The following CALD1 variants were observed in gnomAD, a reference collection of about 807,000 sequenced individuals.
The protein encoded by CALD1 is caldesmon.
In CALD1, 33 loss-of-function variants were observed where a neutral mutation model predicts 99.9. The ratio of observed to expected loss-of-function variants is 0.33; its 90% CI spans 0.25 to 0.44. The LOEUF (loss-of-function observed/expected upper bound fraction) is 0.44. CALD1 is among the 20% of genes least tolerant of loss of function. CALD1 has a pLI of 1.00. For missense variants in CALD1, 861 were observed against 962.1 expected (o/e 0.89, Z 1.39); for synonymous variants, 310 against 325.0 (o/e 0.95, Z 0.50).
At chr7:134,733,691 C>T in the CALD1 span, among the ~76,000 whole-genome samples, 1 of 151,852 alleles carries the variant, frequency 6.6e-6, no homozygotes, top group Non-Finnish European at 1.5e-5. Flanking sequence ...CACCTGTAGT[C>T]CCAGCTACTG....
In CALD1 at chr7:134,783,443, G is replaced by A. The variant is rs1391650626; in HGVS notation, c.-130+3694G>A. Among the ~76,000 whole-genome samples, 1 of 152,156 alleles carries A rather than the reference G, an allele frequency of 6.6e-6. No individual in the cohort carries two copies. Among genetic ancestry groups the A allele is most frequent in the Non-Finnish European group, 1.5e-5 (1 of 68,046 alleles). Reference sequence around the variant, plus strand: ...CTAGCACAGATAGGTTCTAGCTAGGGAAAGCCACTTGCACAGACAGAGGAG... The same window carrying A: ...CTAGCACAGATAGGTTCTAGCTAGGAAAAGCCACTTGCACAGACAGAGGAG... On this transcript the variant is annotated intron_variant, in intron 1 of 14. Coordinates refer to ENST00000361675, the MANE Select transcript of CALD1 (RefSeq NM_033138.4). This position sits in a 1 kb window ranked among gnomAD's most constrained non-coding sequence, Gnocchi z 4.3.
chr7:134,886,911 C>T (rs1455549697), intron 3 of CALD1, among the ~76,000 whole-genome samples: 1 of 152,172 alleles, frequency 6.6e-6, no homozygotes, highest in African/African-American at 2.4e-5. Context: ...TTTGCATCCC[C>T]CACAGCACTT....
intron 2 of CALD1, among the ~76,000 whole-genome samples, chr7:134,866,304 A>AG (rs1445316268): frequency 6.6e-6 from 1 of 152,230 alleles, no homozygotes. Context: ...CTTCATAACT[A>AG]GCAAAGCCTA....
the CALD1 span, among the ~76,000 whole-genome samples, chr7:134,725,338 T>C: frequency 1.3e-3 from 201 of 152,352 alleles, 6 homozygotes; most frequent in South Asian, 0.039. Context: ...CCTATCTCCC[T>C]GGATTCTACA....
chr7:134,835,211 A>G (rs531301109), intron 1 of CALD1, among the ~76,000 whole-genome samples: 4 of 152,278 alleles, frequency 2.6e-5, no homozygotes, highest in Non-Finnish European at 5.9e-5. Flanking sequence ...AGGGTAGGAC[A>G]AGGTGATTCT....
At chr7:134,751,009 A>G (rs187275181) in intron 1 of CALD1, among the ~76,000 whole-genome samples, 2 of 152,292 alleles carry the variant, frequency 1.3e-5, no homozygotes, top group East Asian at 1.9e-4. Flanking sequence ...CCTTCCCACC[A>G]TGTCTCAAAA....
In CALD1 at chr7:134,933,284, A is replaced by C; in HGVS notation, c.515A>C (p.Tyr172Ser). Residue 172 changes from tyrosine (Y) to serine (S), a missense_variant, in exon 5 of 15, where the codon TAC becomes TCC. Physicochemically the swap from Tyr to Ser is moderately radical, Grantham distance 144 (BLOSUM62 -2). Transcript: ENST00000361675. ...GAAACAGAAACAGTCACCAAGTCCT[A>C]CCAGAAGAATGATTGGAGGGATGCT... ...IEETETVTKS[Y>S]QKNDWRDAEE... 6.2e-7 allele frequency: 1 copy of C among 1,606,536 alleles called. No individual in the cohort carries two copies. The highest frequency in any genetic ancestry group is 1.4e-5 in the African/African-American group (1 of 74,036).
rs760177225 is a variant in CALD1 at position 134,960,618 on chromosome 7, C to T, written c.2285C>T (p.Pro762Leu). 9.3e-6 allele frequency: 15 copies of T among 1,606,624 alleles called. No individual in the cohort carries two copies. The highest frequency in any genetic ancestry group is 4.5e-5 in the East Asian group (2 of 44,836). Residue 762 changes from proline (P) to leucine (L), a missense_variant, in exon 13 of 15, where the codon CCC becomes CTC. Physicochemically the swap from Pro to Leu is moderately conservative, Grantham distance 98. Transcript: ENST00000361675. ...CCAGATGGAAACAAGTCACCTGCTC[C>T]CAAACCTTCTGTAAGTACCTTTAGG... ...KTPDGNKSPA[P>L]KPSDLRPGDV...
chr7:134,764,708 G>A (rs1428440439), intron 1 of CALD1, among the ~76,000 whole-genome samples: 4 of 152,142 alleles, frequency 2.6e-5, no homozygotes, highest in South Asian at 2.1e-4. Flanking sequence ...TAAGTTGTCC[G>A]AGAAAGGGTG....
At chr7:134,723,460 C>A in the CALD1 span, among the ~76,000 whole-genome samples, 1 of 151,946 alleles carries the variant, frequency 6.6e-6, no homozygotes, top group Non-Finnish European at 1.5e-5. Context: ...TTAAATCCAG[C>A]CATACTCAAT....
chr7:134,913,378 T>C (rs563172145), intron 3 of CALD1, among the ~76,000 whole-genome samples: 1 of 152,330 alleles, frequency 6.6e-6, no homozygotes, highest in Admixed American at 6.5e-5. Context: ...TCAGCCAAGA[T>C]GTTTCAAAAA....
At chr7:134,863,479 C>T (rs942309466) in intron 2 of CALD1, among the ~76,000 whole-genome samples, 1 of 152,220 alleles carries the variant, frequency 6.6e-6, no homozygotes, top group African/African-American at 2.4e-5. Flanking sequence ...GGGTTAGCCA[C>T]CTGCTCACAA....
At chr7:134,756,309 C>A (rs12674268) in intron 1 of CALD1, among the ~76,000 whole-genome samples, 94,212 of 138,808 alleles carry the variant, frequency 0.68, 32,902 homozygotes, top group East Asian at 0.99. Flanking sequence ...TTAAAAAAAA[C>A]CTAAAACTAA....
chr7:134,942,310 G>C (rs1315957418), intron 7 of CALD1, among the ~76,000 whole-genome samples: 1 of 152,170 alleles, frequency 6.6e-6, no homozygotes, highest in African/African-American at 2.4e-5. Context: ...TCAAAAGCAG[G>C]CGGAGCTACT....
chr7:134,851,719 G>A (rs1800090873), intron 2 of CALD1, among the ~76,000 whole-genome samples: 1 of 152,120 alleles, frequency 6.6e-6, no homozygotes, highest in Non-Finnish European at 1.5e-5. Flanking sequence ...CCATGATGGA[G>A]AGAAAAGAGC....
chr7:134,776,602 A>G (rs987186413), upstream of CALD1, among the ~76,000 whole-genome samples: 6 of 152,146 alleles, frequency 3.9e-5, 1 homozygote, highest in Admixed American at 3.9e-4. Context: ...TTTTGATATC[A>G]AGATTCTACC....
intron 1 of CALD1, among the ~76,000 whole-genome samples, chr7:134,746,600 T>C (rs12707174): frequency 0.56 from 85,676 of 151,892 alleles, 25,473 homozygotes; most frequent in East Asian, 0.86. Flanking sequence ...GTGAACTAAC[T>C]ATTAAGGGCA....
the CALD1 span, among the ~76,000 whole-genome samples, chr7:134,732,791 A>G: frequency 6.6e-6 from 1 of 152,234 alleles, no homozygotes; most frequent in Non-Finnish European, 1.5e-5. Flanking sequence ...CTATATTTTT[A>G]TATCTAAAGA....
chr7:134,823,051 C>A (rs6944718), intron 1 of CALD1, among the ~76,000 whole-genome samples: 6,836 of 152,216 alleles, frequency 0.045, 499 homozygotes, highest in African/African-American at 0.15. Context: ...GCCCACCCCA[C>A]CTGTCCCTCC....
Sources: allele counts gnomAD v4.1 joint callset (sites outside exome capture counted in the v4.1 genomes callset), GRCh38; gene constraint gnomAD v4.1.1; non-coding constraint Gnocchi (gnomAD v3.1); transcripts MANE v1.5; gene names NCBI Gene and HGNC (gene_info 2026-07-23, HGNC 2026-07-21).